The following SGK1 variants were observed in gnomAD, a reference collection of about 807,000 sequenced individuals.
SGK1 encodes the protein serine/threonine-protein kinase Sgk1.
SGK1 carries 26 observed loss-of-function variants against 64.2 expected under a neutral mutation model. The ratio of observed to expected loss-of-function variants is 0.40; its 90% confidence interval spans 0.30 to 0.56. SGK1 has a LOEUF of 0.56. SGK1 is among the 20% of genes least tolerant of loss of function. The probability of loss-of-function intolerance (pLI) is 0.38; values close to 1 mark genes in which losing one functional copy is unlikely to be tolerated. For missense variants in SGK1, 519 were observed against 645.6 expected, an observed-to-expected ratio of 0.80 and a Z score of 2.12; for synonymous variants, 265 against 239.7, an observed-to-expected ratio of 1.11 and a Z score of -0.98.
At chr6:134,179,980 G>A (rs1310911422) in intron 3 of SGK1, among the ~76,000 whole-genome samples, 1 of 152,132 alleles carries the variant, frequency 6.6e-6, no homozygotes, top group Non-Finnish European at 1.5e-5. Context: ...TTGACATAGA[G>A]TTTCACTCTG....
chr6:134,292,652 C>G (rs1314275194), intron 1 of SGK1, among the ~76,000 whole-genome samples: 3 of 151,950 alleles, frequency 2.0e-5, no homozygotes, highest in African/African-American at 7.3e-5. Context: ...AATTATTTTA[C>G]AAACATTAGA....
chr6:134,241,616 G>GTATATTTA (rs140084587), intron 2 of SGK1, among the ~76,000 whole-genome samples: 1 of 151,510 alleles, frequency 6.6e-6, no homozygotes, highest in African/African-American at 2.4e-5. Context: ...CAACAAACTT[G>GTATATTTA]TTTATTTATT....
intron 9 of SGK1, 136 bp from the exon 10 acceptor site, chr6:134,172,452 C>A: frequency 1.1e-6 from 1 of 899,832 alleles, no homozygotes; most frequent in East Asian, 2.5e-5. Flanking sequence ...AAAGGGAGCC[C>A]TTGTTCTGCT....
intron 2 of SGK1, among the ~76,000 whole-genome samples, chr6:134,239,002 G>A (rs1253507738): frequency 6.6e-6 from 1 of 152,220 alleles, no homozygotes; most frequent in Admixed American, 6.5e-5. Context: ...CAGAATTGAA[G>A]ATGAAAATGG....
chr6:134,171,335 T>A, intron 11 of SGK1, 157 bp from the exon 12 acceptor site: 1 of 730,424 alleles, frequency 1.4e-6, no homozygotes, highest in Admixed American at 2.6e-5. Flanking sequence ...TTTAAGTGTC[T>A]ACTTTGCAAC....
intron 1 of SGK1, among the ~76,000 whole-genome samples, chr6:134,269,720 G>T (rs1464487024): frequency 6.8e-6 from 1 of 147,622 alleles, no homozygotes; most frequent in Non-Finnish European, 1.5e-5. Context: ...CTCCCAGAGG[G>T]TGCATGCTAG....
chr6:134,250,801 T>A (rs1256404365), intron 2 of SGK1, among the ~76,000 whole-genome samples: 1 of 152,150 alleles, frequency 6.6e-6, no homozygotes, highest in Admixed American at 6.5e-5. Context: ...TGAAACAGGG[T>A]CTCACTCTGT....
intron 1 of SGK1, among the ~76,000 whole-genome samples, chr6:134,295,590 G>T (rs1443897511): frequency 6.6e-6 from 1 of 152,126 alleles, no homozygotes; most frequent in Non-Finnish European, 1.5e-5. Flanking sequence ...TGTAATCCCA[G>T]CTACTGGGGG....
At chr6:134,177,248 AAAAC>A (rs1353741564) in intron 3 of SGK1, among the ~76,000 whole-genome samples, 7 of 152,166 alleles carry the variant, frequency 4.6e-5, no homozygotes, top group South Asian at 2.1e-4. Context: ...AACAAAAACA[AAAAC>A]AAAAAAAACA....
In SGK1 at chr6:134,170,089, TGAG is replaced by T. The variant is rs1350026285; in HGVS notation, c.*176_*178del. ...AAAAATGAAAACCTCATGAGCTCAC[TGAG>T]GAGAATGTGCTCTTCAAAAAGCTTC... is the stretch of plus-strand genomic sequence containing the variant. On this transcript the variant is annotated 3_prime_UTR_variant, in exon 14 of 14. Transcript: ENST00000367858. 9 of 474,992 alleles carry T rather than the reference TGAG, an allele frequency of 1.9e-5. No individual in the cohort carries two copies. The highest frequency in any genetic ancestry group is 7.7e-5 in the African/African-American group (4 of 52,118). The allele number at this position is 474,992 out of a possible 1,614,324, so 29.4% of individuals were successfully genotyped here. A position where few individuals can be genotyped will look rare whatever the true frequency, so the allele number is the denominator to read the frequency against.
At chr6:134,174,739 A>C in intron 3 of SGK1, 153 bp from the exon 4 acceptor site, 1 of 1,614,094 alleles carries the variant, frequency 6.2e-7, no homozygotes, top group Non-Finnish European at 8.5e-7. Flanking sequence ...CACCGATGAG[A>C]ATTGCCACCA....
At chr6:134,274,012 C>CT (rs1185125395) in intron 1 of SGK1, among the ~76,000 whole-genome samples, 111 of 150,138 alleles carry the variant, frequency 7.4e-4, no homozygotes, top group South Asian at 5.7e-3. Context: ...TTTTCTTTTT[C>CT]TTTTTTTTTG....
chr6:134,269,801 G>A (rs1324906202), intron 1 of SGK1, among the ~76,000 whole-genome samples: 3 of 148,218 alleles, frequency 2.0e-5, no homozygotes, highest in African/African-American at 7.3e-5. Flanking sequence ...CACTGATACT[G>A]GAGCCTGAAG....
chr6:134,311,941 A>G (rs557789710), intron 1 of SGK1, among the ~76,000 whole-genome samples: 33 of 152,316 alleles, frequency 2.2e-4, no homozygotes, highest in South Asian at 2.1e-3. Flanking sequence ...TGGAGAATCT[A>G]CCTCTTCATA....
intron 1 of SGK1, among the ~76,000 whole-genome samples, chr6:134,271,207 T>C (rs1484646170): frequency 7.1e-6 from 1 of 141,596 alleles, no homozygotes; most frequent in African/African-American, 2.5e-5. Flanking sequence ...TAATTCCAGC[T>C]ACTTGGGAGA....
At chr6:134,273,449 C>T (rs1776970958) in intron 1 of SGK1, among the ~76,000 whole-genome samples, 1 of 148,210 alleles carries the variant, frequency 6.7e-6, no homozygotes, top group Non-Finnish European at 1.5e-5. Context: ...AAAAATTAGC[C>T]GGGCGTAGTG....
intron 3 of SGK1, among the ~76,000 whole-genome samples, chr6:134,178,233 A>G (rs756660662): frequency 7.9e-5 from 12 of 152,116 alleles, no homozygotes; most frequent in Non-Finnish European, 1.3e-4. Flanking sequence ...CCCCTACCCT[A>G]ATGTTCAGCA....
At chr6:134,309,659 A>T (rs1458405587) in intron 1 of SGK1, among the ~76,000 whole-genome samples, 1 of 152,084 alleles carries the variant, frequency 6.6e-6, no homozygotes, top group Non-Finnish European at 1.5e-5. Context: ...GACTCTTTTT[A>T]CCCTGCGAGC....
At chr6:134,255,537 ACT>A in intron 2 of SGK1, among the ~76,000 whole-genome samples, 1 of 146,964 alleles carries the variant, frequency 6.8e-6, no homozygotes, top group Non-Finnish European at 1.5e-5. Flanking sequence ...ACAGAGTGAG[ACT>A]CTGTCTCAAA....
Sources: gnomAD v4.1 joint callset for allele counts (sites outside exome capture counted in the v4.1 genomes callset) on GRCh38, gnomAD v4.1.1 for gene constraint, MANE v1.5 for transcripts, NCBI Gene and HGNC (gene_info 2026-07-23, HGNC 2026-07-21) for gene names.